Variants in PDE10A observed in about 807,000 individuals in gnomAD.
The protein encoded by PDE10A is phosphodiesterase 10A.
Under a neutral mutation model 97.7 loss-of-function variants are expected in PDE10A, and 39 were observed. The ratio of observed to expected loss-of-function variants is 0.40; its 90% CI spans 0.31 to 0.52. The LOEUF (loss-of-function observed/expected upper bound fraction) is 0.52, where lower values mean the gene tolerates loss of function less well. Among genes scored for constraint, PDE10A ranks in the 20% least tolerant of loss-of-function variants. The pLI, the probability that PDE10A is intolerant of heterozygous loss-of-function variation, is 0.56. For synonymous variants in PDE10A, 371 were observed against 376.8 expected (o/e 0.98, Z 0.18); for missense variants, 731 against 1,047.8 (o/e 0.70, Z 4.17).
intron 1 of PDE10A, among the ~76,000 whole-genome samples, chr6:165,732,300 G>A (rs1792457519): frequency 6.6e-6 from 1 of 152,138 alleles, no homozygotes; most frequent in Non-Finnish European, 1.5e-5. Context: ...CCTCTCTTTC[G>A]GGATTCTGAT....
At chr6:165,791,303 A>G (rs962080041) in intron 1 of PDE10A, among the ~76,000 whole-genome samples, 2 of 152,144 alleles carry the variant, frequency 1.3e-5, no homozygotes, top group Admixed American at 1.3e-4. Context: ...GAGATCACAC[A>G]GAATTTGTCT....
chr6:165,354,289 T>A lies in PDE10A; in HGVS notation c.2784-10787A>T, dbSNP rs143295024. ...AATAATTTTGGAGAAGTATCCTTTT[T>A]GAATAGTATGGAGAAAACTCATCAG... On this transcript the variant is annotated intron_variant, in intron 18 of 21. Coordinates refer to ENST00000539869, the MANE Select transcript of PDE10A (RefSeq NM_001385079.1). 4.0e-3 allele frequency among the ~76,000 whole-genome samples: 602 copies of A among 152,320 alleles called. 4 individuals carry two copies. Among genetic ancestry groups the A allele is most frequent in the Middle Eastern group, 0.02 (6 of 294 alleles).
intron 1 of PDE10A, chr6:165,894,786 T>C: frequency 3.8e-6 from 1 of 265,656 alleles, no homozygotes; most frequent in South Asian, 4.4e-5. Flanking sequence ...ATTTATAGTA[T>C]ATTTGTTCAA....
rs149160072 is a variant in PDE10A, at chr6:165,972,483, C to G, written c.-615+15046G>C. On this transcript the variant is annotated intron_variant, in intron 1 of 19. Coordinates refer to the PDE10A transcript ENST00000366882. ...AAAAATTATTTGTGAAACACCTACT[C>G]TACTTATTCCCCGAAGAATAACTGA... 7.6e-4 allele frequency among the ~76,000 whole-genome samples: 116 copies of G among 152,300 alleles called. 2 individuals are homozygous for G. The East Asian group carries it at 0.019, about 25-fold the overall frequency.
intron 1 of PDE10A, among the ~76,000 whole-genome samples, chr6:165,636,690 C>G (rs1788894067): frequency 6.6e-6 from 1 of 152,170 alleles, no homozygotes. Flanking sequence ...TTTGCAAAAA[C>G]TGGATAGACT....
At chr6:165,541,447 G>T (rs1783432676) in intron 2 of PDE10A, among the ~76,000 whole-genome samples, 1 of 152,228 alleles carries the variant, frequency 6.6e-6, no homozygotes, top group Non-Finnish European at 1.5e-5. Context: ...AGAAAACAAA[G>T]ATTTGGGAGG....
intron 2 of PDE10A, among the ~76,000 whole-genome samples, chr6:165,522,991 G>A (rs908913878): frequency 9.2e-5 from 14 of 151,466 alleles, no homozygotes; most frequent in African/African-American, 3.2e-4. Context: ...TTCAAACCAA[G>A]CGCCAAATCA....
intron 18 of PDE10A, among the ~76,000 whole-genome samples, chr6:165,376,553 G>C (rs1784615402): frequency 6.6e-6 from 1 of 152,236 alleles, no homozygotes; most frequent in Admixed American, 6.5e-5. Context: ...ATAAGCTGCA[G>C]AGAAATTTTC....
At chr6:165,763,531 C>T (rs191886827) in intron 1 of PDE10A, among the ~76,000 whole-genome samples, 178 of 152,290 alleles carry the variant, frequency 1.2e-3, no homozygotes, top group African/African-American at 4.2e-3. Flanking sequence ...TCATGTTGGC[C>T]AGGCTGGTCT....
intron 1 of PDE10A, among the ~76,000 whole-genome samples, chr6:165,573,208 G>T (rs1047366436): frequency 6.6e-6 from 1 of 151,054 alleles, no homozygotes; most frequent in Non-Finnish European, 1.5e-5. Flanking sequence ...ACATTTTATA[G>T]AATAATGTAC....
intron 1 of PDE10A, among the ~76,000 whole-genome samples, chr6:165,767,991 T>A (rs1191037095): frequency 6.6e-6 from 1 of 152,152 alleles, no homozygotes; most frequent in Non-Finnish European, 1.5e-5. Context: ...GGTGGTACAG[T>A]GGGACCTAAT....
At chr6:165,802,890 T>A (rs1471969553) in intron 1 of PDE10A, among the ~76,000 whole-genome samples, 1 of 152,254 alleles carries the variant, frequency 6.6e-6, no homozygotes, top group Admixed American at 6.5e-5. Context: ...TGCCTTGCTG[T>A]AGCACTGTTA....
At chr6:165,494,141 T>C (rs1780385412) in intron 2 of PDE10A, among the ~76,000 whole-genome samples, 2 of 152,040 alleles carry the variant, frequency 1.3e-5, no homozygotes, top group South Asian at 4.1e-4. Flanking sequence ...CCTGCAAGAA[T>C]GGCCATAACA....
rs9365881 is a variant in PDE10A at position 165,337,794 on chromosome 6, G to C, written c.2976+1484C>G. 8.2e-3 allele frequency among the ~76,000 whole-genome samples: 1,243 copies of C among 152,256 alleles called. 118 individuals carry two copies. The East Asian group carries it at 0.2, about 24-fold the overall frequency. On this transcript the variant is annotated intron_variant, in intron 20 of 21. Coordinates refer to ENST00000539869, the MANE Select transcript of PDE10A (RefSeq NM_001385079.1). ...TGACAGCATCAATGAGAAATTTCCA[G>C]CTATACCATGCATTCTTGGGATGAC...
rs1218468475 is a variant in PDE10A at position 165,392,746 on chromosome 6, T to C, written c.2354A>G (p.Tyr785Cys). 4 of 1,613,810 alleles carry C rather than the reference T, an allele frequency of 2.5e-6. No homozygotes were observed. Among genetic ancestry groups the C allele is most frequent in the African/African-American group, 1.3e-5 (1 of 74,926 alleles). The change falls in exon 16 of 22, where the codon TAT becomes TGT. Residue 785 changes from tyrosine (Y) to cysteine (C), a missense_variant. Coordinates refer to ENST00000539869, the MANE Select transcript of PDE10A (RefSeq NM_001385079.1). ...CCAGTTGTGATAAGGAACCCGCCGA[T>C]AGTTCTTCTTCACAGACATAATAAA... ...CRFIMSVKKNYRRVPYHNWKH... is the reference protein window; with the variant it reads ...CRFIMSVKKNCRRVPYHNWKH...
chr6:165,477,124 G>A (rs144789069), intron 3 of PDE10A, among the ~76,000 whole-genome samples: 2 of 152,104 alleles, frequency 1.3e-5, no homozygotes, highest in Non-Finnish European at 2.9e-5. Context: ...TCCGACCAAG[G>A]CTCCTTCCTT....
At chr6:165,640,828 A>C (rs1162462965) in intron 1 of PDE10A, among the ~76,000 whole-genome samples, 1 of 152,278 alleles carries the variant, frequency 6.6e-6, no homozygotes, top group African/African-American at 2.4e-5. Flanking sequence ...CAAGAATAAT[A>C]TAACTCATCT....
At chr6:165,747,706 G>A (rs766079963) in intron 1 of PDE10A, among the ~76,000 whole-genome samples, 1 of 152,200 alleles carries the variant, frequency 6.6e-6, no homozygotes, top group Non-Finnish European at 1.5e-5. Context: ...CCCAGAGGAT[G>A]TGGCCGCCTG....
chr6:165,826,647 G>T (rs1017251721), intron 1 of PDE10A, among the ~76,000 whole-genome samples: 1 of 152,110 alleles, frequency 6.6e-6, no homozygotes, highest in East Asian at 1.9e-4. Context: ...GGGGGAGGCC[G>T]AGGTACCCCC....
Sources: gnomAD v4.1 joint callset for allele counts (sites outside exome capture counted in the v4.1 genomes callset) on GRCh38, gnomAD v4.1.1 for gene constraint, MANE v1.5 for transcripts, NCBI Gene and HGNC (gene_info 2026-07-23, HGNC 2026-07-21) for gene names.